Variants in AFAP1 observed in about 807,000 individuals in gnomAD.
AFAP1 encodes actin filament associated protein 1.
A neutral mutation model predicts 93.9 loss-of-function variants in AFAP1; 75 were observed. The ratio of observed to expected loss-of-function variants is 0.80; its 90% CI spans 0.66 to 0.97. AFAP1 has a LOEUF of 0.97. AFAP1 is among the 50% of genes least tolerant of loss of function. The pLI is 0.00. For synonymous variants in AFAP1, 517 were observed against 430.7 expected (o/e 1.20, Z -2.48); for missense variants, 1,201 against 1,050.8 (o/e 1.14, Z -1.98).
chr4:7,918,049 T>C (rs1172677308), intron 1 of AFAP1, among the ~76,000 whole-genome samples: 1 of 152,222 alleles, frequency 6.6e-6, no homozygotes, highest in African/African-American at 2.4e-5. Context: ...AGAAAAGAAC[T>C]AGTGCACAGC....
At chr4:7,936,937 C>T (rs564881949) in intron 1 of AFAP1, among the ~76,000 whole-genome samples, 1 of 152,168 alleles carries the variant, frequency 6.6e-6, no homozygotes, top group South Asian at 2.1e-4. Flanking sequence ...AGTACATCTA[C>T]TCAAGGCACT....
intron 16 of AFAP1, 35 bp from the exon 17 acceptor site, chr4:7,769,043 G>C: frequency 5.8e-6 from 9 of 1,550,646 alleles, no homozygotes; most frequent in Non-Finnish European, 6.1e-6. Flanking sequence ...GTGATGAGCG[G>C]TTTCTGGGCC....
At chr4:7,836,824 C>CA (rs111804837) in intron 6 of AFAP1, among the ~76,000 whole-genome samples, 9,837 of 143,176 alleles carry the variant, frequency 0.069, 365 homozygotes, top group Admixed American at 0.11. Flanking sequence ...GTGAATATAC[C>CA]AAAAAAAAAA....
At chr4:7,920,751 G>C (rs1404095218) in intron 1 of AFAP1, among the ~76,000 whole-genome samples, 1 of 152,154 alleles carries the variant, frequency 6.6e-6, no homozygotes, top group African/African-American at 2.4e-5. Context: ...GGTCTGAAAA[G>C]TCGAAAGACA....
chr4:7,810,771 G>T (rs1160747103), intron 8 of AFAP1, among the ~76,000 whole-genome samples: 1 of 152,228 alleles, frequency 6.6e-6, no homozygotes, highest in Non-Finnish European at 1.5e-5. Flanking sequence ...CAGGACCACA[G>T]AAGCAGTCTC....
At position 7,939,613 on chromosome 4, in the gene AFAP1, C is replaced by G. The variant is rs1721619520; in HGVS notation, c.-3+43G>C. 5 of 411,974 alleles carry G rather than the reference C, an allele frequency of 1.2e-5. No homozygotes were observed. Among genetic ancestry groups the G allele is most frequent in the Non-Finnish European group, 2.4e-5 (5 of 208,688 alleles). The allele number at this position is 411,974 out of a possible 1,614,324, so 25.5% of individuals were successfully genotyped here. Reference sequence around the variant, plus strand: ...AGCTTCCACGCCCGGGGCAGAGACCCCCGCCGGGTCCGGAGACCCTGCCGC... The same window carrying G: ...AGCTTCCACGCCCGGGGCAGAGACCGCCGCCGGGTCCGGAGACCCTGCCGC... On this transcript the variant is annotated intron_variant, in intron 1 of 17. Transcript: ENST00000420658. The surrounding 1 kb of genome is among the most constrained non-coding windows in gnomAD (Gnocchi z 5.6).
chr4:7,798,235 ACGGCACTGCAACTCTATTG>A (rs1718653491), intron 10 of AFAP1, among the ~76,000 whole-genome samples: 4 of 144,536 alleles, frequency 2.8e-5, no homozygotes, highest in Non-Finnish European at 6.0e-5. Context: ...TGGCTGGCTC[ACGGCACTGCAACTCTATTG>A]GCTGGCTCAC....
At chr4:7,816,494 T>C (rs1720494144) in intron 7 of AFAP1, among the ~76,000 whole-genome samples, 1 of 152,230 alleles carries the variant, frequency 6.6e-6, no homozygotes, top group Non-Finnish European at 1.5e-5. Flanking sequence ...TTTCTTCCTG[T>C]CATTCACCAA....
At chr4:7,772,065 G>T (rs898803259) in intron 16 of AFAP1, 1 of 152,256 alleles carries the variant, frequency 6.6e-6, no homozygotes, top group Non-Finnish European at 1.5e-5. Flanking sequence ...TTTACTGAGG[G>T]GTTTGGAAAG....
At chr4:7,879,165 A>C (rs1469807254) in intron 1 of AFAP1, among the ~76,000 whole-genome samples, 1 of 152,228 alleles carries the variant, frequency 6.6e-6, no homozygotes, top group African/African-American at 2.4e-5. Context: ...GCAAGGGCCC[A>C]GCCCACTCAC....
intron 1 of AFAP1, among the ~76,000 whole-genome samples, chr4:7,875,561 G>A (rs201375143): frequency 1.3e-5 from 2 of 151,516 alleles, no homozygotes; most frequent in East Asian, 3.9e-4. Context: ...CGAGGCTGCA[G>A]TGAGCCATGA....
At chr4:7,802,519 T>C (rs779232157) in intron 9 of AFAP1, among the ~76,000 whole-genome samples, 2 of 152,218 alleles carry the variant, frequency 1.3e-5, no homozygotes, top group African/African-American at 2.4e-5. Context: ...CCTGAACCCC[T>C]GTTGGGAGTT....
intron 14 of AFAP1, chr4:7,776,888 C>T (rs1577191694): frequency 6.6e-6 from 1 of 152,206 alleles, no homozygotes; most frequent in Non-Finnish European, 1.5e-5. Flanking sequence ...TAAATTTCCA[C>T]ATCTTTTGGT....
At chr4:7,912,268 T>C (rs1719777540) in intron 1 of AFAP1, among the ~76,000 whole-genome samples, 1 of 152,224 alleles carries the variant, frequency 6.6e-6, no homozygotes, top group Non-Finnish European at 1.5e-5. Context: ...AACAGATACA[T>C]ATGGCTTTTG....
chr4:7,775,423 A>G (rs16841183), intron 14 of AFAP1: 20,123 of 152,736 alleles, frequency 0.13, 1,498 homozygotes, highest in East Asian at 0.28. Context: ...TGAACATTCT[A>G]TAATCGGAAA....
chr4:7,760,736 G>A lies in AFAP1; in HGVS notation c.*3029C>T, dbSNP rs531890026. On this transcript the variant is annotated 3_prime_UTR_variant, in exon 18 of 18. Transcript: ENST00000420658. ...ACACCTTAACAAAATAGAGCCAGGA[G>A]CAGAGCCCTGAAGAGTGACACTGTG... 1 of 152,402 alleles carries A rather than the reference G, an allele frequency of 6.6e-6. No individual in the cohort carries two copies. The highest frequency in any genetic ancestry group is 1.9e-4 in the East Asian group (1 of 5,192). 9.4% of individuals were successfully genotyped at this position (152,402 alleles called of 1,614,324 possible).
intron 9 of AFAP1, among the ~76,000 whole-genome samples, chr4:7,808,091 A>T (rs1289332069): frequency 2.0e-5 from 3 of 152,216 alleles, no homozygotes. Context: ...GGCAACTAGA[A>T]TGACTATTCA....
chr4:7,805,951 AG>A (rs1385918043), intron 9 of AFAP1, among the ~76,000 whole-genome samples: 3 of 152,160 alleles, frequency 2.0e-5, no homozygotes, highest in Non-Finnish European at 4.4e-5. Context: ...GAATGAGGTG[AG>A]CCAGTCAAAA....
chr4:7,832,951 T>G (rs1253831694), intron 6 of AFAP1, among the ~76,000 whole-genome samples: 1 of 152,104 alleles, frequency 6.6e-6, no homozygotes, highest in East Asian at 1.9e-4. Context: ...GCTAGCCTCA[T>G]GTAGGAGAAT....
Sources: allele counts gnomAD v4.1 joint callset (sites outside exome capture counted in the v4.1 genomes callset), GRCh38; gene constraint gnomAD v4.1.1; non-coding constraint Gnocchi (gnomAD v3.1); transcripts MANE v1.5; gene names NCBI Gene and HGNC (gene_info 2026-07-23, HGNC 2026-07-21).